The following TBL1X variants were observed in gnomAD, a reference collection of about 807,000 sequenced individuals.
TBL1X encodes the protein transducin beta like 1 X-linked, also known as F-box-like/WD repeat-containing protein TBL1X.
TBL1X carries 10 observed loss-of-function variants against 50.7 expected under a neutral mutation model. That is an observed-to-expected ratio of 0.20 (90% confidence interval 0.12 to 0.33). TBL1X has a LOEUF of 0.33. Ranked by LOEUF, TBL1X falls within the 10% of genes least tolerant of loss-of-function variation. The pLI, the probability that TBL1X is intolerant of heterozygous loss-of-function variation, is 1.00. For missense variants in TBL1X, 340 were observed against 504.4 expected (o/e 0.67, Z 3.12); for synonymous variants, 190 against 214.7 (o/e 0.88, Z 1.01).
chrX:9,707,324 C>T (rs1299670162), intron 13 of TBL1X, among the ~76,000 whole-genome samples: 1 of 112,231 alleles, frequency 8.9e-6, no homozygotes, highest in African/African-American at 3.2e-5. Context: ...TGGCTCCAAA[C>T]TGACTCTCTT....
intron 2 of TBL1X, among the ~76,000 whole-genome samples, chrX:9,545,236 A>G (rs752019550): frequency 9.1e-6 from 1 of 110,239 alleles, no homozygotes; most frequent in Admixed American, 9.6e-5. Flanking sequence ...CCCCATTTTT[A>G]TGGTTTGAAA....
Position 9,688,254 on chromosome X carries a change from G to C in TBL1X, c.595G>C (p.Glu199Gln), listed in dbSNP as rs370493395. The change falls in exon 7 of 18, where the codon GAG (glutamate) becomes CAG (glutamine). Residue 199 changes from glutamate to glutamine, a missense_variant. By Grantham distance (29) the Glu-to-Gln change is conservative (BLOSUM62 2). Coordinates refer to ENST00000645353, the MANE Select transcript of TBL1X (RefSeq NM_005647.4). ...CAGAGAGGCCACGGTGAATGGGGAA[G>C]AGAACAGAGCACATTCAGTCAGTGA... ...KNREATVNGE[E>Q]NRAHSVNNHA... 22 of 1,192,360 alleles carry C rather than the reference G, an allele frequency of 1.8e-5. No individual in the cohort carries two copies. Among genetic ancestry groups the C allele is most frequent in the Non-Finnish European group, 2.5e-5 (22 of 885,443 alleles).
intron 2 of TBL1X, among the ~76,000 whole-genome samples, chrX:9,613,151 G>A: frequency 9.0e-6 from 1 of 111,630 alleles, no homozygotes; most frequent in South Asian, 3.7e-4. Context: ...AATCTGTTTG[G>A]AAGTAGTCCA....
At chrX:9,477,797 A>G (rs770961154) in intron 1 of TBL1X, among the ~76,000 whole-genome samples, 20 of 111,801 alleles carry the variant, frequency 1.8e-4, no homozygotes, top group East Asian at 2.8e-4. Flanking sequence ...TCAATTCCCA[A>G]TAAGATCGCT....
chrX:9,671,868 T>C (rs986586304), intron 5 of TBL1X, among the ~76,000 whole-genome samples: 5 of 112,692 alleles, frequency 4.4e-5, no homozygotes, highest in African/African-American at 1.6e-4. Flanking sequence ...TATAACCATT[T>C]ACAGTAGCAA....
At chrX:9,666,026 A>C (rs1169961616) in intron 5 of TBL1X, among the ~76,000 whole-genome samples, 4 of 111,642 alleles carry the variant, frequency 3.6e-5, no homozygotes, top group Admixed American at 2.9e-4. Flanking sequence ...TCTACCCCAC[A>C]CTGAGAGATG....
intron 2 of TBL1X, among the ~76,000 whole-genome samples, chrX:9,503,413 A>G (rs1459205660): frequency 2.7e-5 from 3 of 112,302 alleles, no homozygotes; most frequent in Admixed American, 1.9e-4. Flanking sequence ...AGCTTACCAA[A>G]CTCCTCGGGG....
intron 2 of TBL1X, chrX:9,534,915 A>G (rs1262582205): frequency 1.8e-5 from 2 of 111,291 alleles, no homozygotes; most frequent in Non-Finnish European, 3.8e-5. Flanking sequence ...GGCAACCACT[A>G]TTCCACTCCC....
intron 1 of TBL1X, among the ~76,000 whole-genome samples, chrX:9,493,459 A>C (rs777724385): frequency 2.7e-5 from 3 of 111,907 alleles, no homozygotes; most frequent in Non-Finnish European, 5.6e-5. Context: ...TGCCTGGATT[A>C]AATCAAAGGA....
At chrX:9,521,058 A>G (rs143307104) in intron 2 of TBL1X, among the ~76,000 whole-genome samples, 1,258 of 111,378 alleles carry the variant, frequency 0.011, 16 homozygotes, top group African/African-American at 0.038. Context: ...CAGTTGTGCC[A>G]CTGCGCACCG....
chrX:9,616,733 C>T (rs2082641256), intron 2 of TBL1X, among the ~76,000 whole-genome samples: 1 of 112,102 alleles, frequency 8.9e-6, no homozygotes, highest in Non-Finnish European at 1.9e-5. Flanking sequence ...AAGCCTTTTA[C>T]AGTATGTTGC....
intron 5 of TBL1X, among the ~76,000 whole-genome samples, chrX:9,682,906 C>T (rs1257257607): frequency 1.8e-5 from 2 of 111,829 alleles, no homozygotes; most frequent in African/African-American, 6.5e-5. Context: ...AGTTGAAAGC[C>T]ACACCATGGG....
chrX:9,595,336 C>T (rs2082521877), intron 2 of TBL1X, among the ~76,000 whole-genome samples: 1 of 112,410 alleles, frequency 8.9e-6, no homozygotes, highest in African/African-American at 3.2e-5. Context: ...CAGAGATTTC[C>T]TGGCCATCCA....
chrX:9,512,512 T>TG (rs1555961843), intron 2 of TBL1X, among the ~76,000 whole-genome samples: 4 of 79,041 alleles, frequency 5.1e-5, no homozygotes, highest in Admixed American at 3.3e-4. Flanking sequence ...TTTTGTTTTT[T>TG]GGTTTTTTTT....
rs1450459791 is a variant in TBL1X at position 9,716,317 on chromosome X, T to G, written c.*71T>G. The G allele has an allele frequency of 9.1e-7, 1 of 1,102,285 alleles. No homozygotes were observed. Among genetic ancestry groups the G allele is most frequent in the Non-Finnish European group, 1.2e-6 (1 of 809,512 alleles). The allele number at this position is 1,102,285 out of a possible 1,213,427, so 90.8% of individuals were successfully genotyped here. On this transcript the variant is annotated 3_prime_UTR_variant, in exon 18 of 18. Coordinates refer to ENST00000645353, the MANE Select transcript of TBL1X (RefSeq NM_005647.4). ...GTGAATGTGTAGGGTTGCAGCTCTA[T>G]TCTCCAAAACTGTAGGAACTTGACT...
chrX:9,491,387 C>G (rs2081944288), intron 1 of TBL1X, among the ~76,000 whole-genome samples: 1 of 90,692 alleles, frequency 1.1e-5, no homozygotes. Context: ...GTCATGCAGG[C>G]TGGAGTGTAG....
At chrX:9,485,373 A>G (rs976456135) in intron 1 of TBL1X, among the ~76,000 whole-genome samples, 4 of 112,417 alleles carry the variant, frequency 3.6e-5, no homozygotes, top group African/African-American at 1.3e-4. Flanking sequence ...GGTTTGAAGC[A>G]TCAAGCTCGC....
intron 2 of TBL1X, among the ~76,000 whole-genome samples, chrX:9,568,025 C>T (rs941612694): frequency 5.4e-5 from 6 of 111,877 alleles, no homozygotes; most frequent in Non-Finnish European, 7.5e-5. Context: ...TGCTGTGGCA[C>T]GCTGCGTTGA....
chrX:9,472,394 G>A (rs2081821002), intron 1 of TBL1X, among the ~76,000 whole-genome samples: 1 of 108,712 alleles, frequency 9.2e-6, no homozygotes. Context: ...CAAGTAGCTG[G>A]GCCGACAGGC....
Sources: gnomAD v4.1 joint callset for allele counts (sites outside exome capture counted in the v4.1 genomes callset) on GRCh38, gnomAD v4.1.1 for gene constraint, MANE v1.5 for transcripts, NCBI Gene and HGNC (gene_info 2026-07-23, HGNC 2026-07-21) for gene names.